The following FAM107A variants were observed in gnomAD, a reference collection of about 807,000 sequenced individuals.
FAM107A encodes the protein actin-associated protein FAM107A.
A neutral mutation model predicts 13.7 loss-of-function variants in FAM107A; 19 were observed. The observed-to-expected ratio is 1.38, with a 90% CI of 0.97 to 2.03. FAM107A has a LOEUF of 2.03. Ranked by LOEUF, FAM107A falls within the 30% of genes most tolerant of loss-of-function variation. The probability of loss-of-function intolerance (pLI) is 0.00; values close to 1 mark genes in which losing one functional copy is unlikely to be tolerated. For synonymous variants in FAM107A, 82 were observed against 74.5 expected (o/e 1.10, Z -0.52); for missense variants, 203 against 184.4 (o/e 1.10, Z -0.58).
chr3:58,591,847 C>A (rs1166321394), upstream of FAM107A, among the ~76,000 whole-genome samples: 2 of 152,174 alleles, frequency 1.3e-5, no homozygotes, highest in Non-Finnish European at 2.9e-5. The surrounding 1 kb of genome is among the most constrained non-coding windows in gnomAD (Gnocchi z 4.3). Context: ...TGGAGCTGTG[C>A]TTGGAGTGGA....
chr3:58,608,055 C>T (rs1252483486), intron 1 of FAM107A: 2 of 152,196 alleles, frequency 1.3e-5, no homozygotes, highest in Non-Finnish European at 2.9e-5. Context: ...AACCAACAGA[C>T]TTTGAAGAAT....
At position 58,571,869 on chromosome 3, in the gene FAM107A, C is replaced by A. The variant is rs181360403; in HGVS notation, c.-5-2004G>T. Among the ~76,000 whole-genome samples, 181 of 152,320 alleles carry A rather than the reference C, an allele frequency of 1.2e-3. 2 individuals carry two copies. The highest frequency in any genetic ancestry group is 3.8e-3 in the African/African-American group (156 of 41,570). On this transcript the variant is annotated intron_variant, in intron 1 of 3. Transcript: ENST00000360997. Reference sequence around the variant, plus strand: ...CTGTTCTTAGTCCCTCTGTGCCCCCCAAATCTTCCAGAGCTGCTTGCTTTT... The same window carrying A: ...CTGTTCTTAGTCCCTCTGTGCCCCCAAAATCTTCCAGAGCTGCTTGCTTTT...
intron 2 of FAM107A, among the ~76,000 whole-genome samples, chr3:58,568,993 A>T (rs548062678): frequency 3.9e-5 from 6 of 151,962 alleles, no homozygotes; most frequent in African/African-American, 1.4e-4. Flanking sequence ...ATTCCTGCCC[A>T]CTTTGGTATT....
chr3:58,588,814 C>T (rs756939103), upstream of FAM107A, among the ~76,000 whole-genome samples: 5 of 152,014 alleles, frequency 3.3e-5, no homozygotes, highest in Admixed American at 6.6e-5. Flanking sequence ...TGCACGCAAC[C>T]GCAACTGGCT....
intron 1 of FAM107A, among the ~76,000 whole-genome samples, chr3:58,584,032 G>T (rs1353790370): frequency 6.6e-6 from 1 of 152,102 alleles, no homozygotes; most frequent in Non-Finnish European, 1.5e-5. Context: ...GCTTCTCAAC[G>T]AAAGGAGTGC....
intron 1 of FAM107A, among the ~76,000 whole-genome samples, chr3:58,605,852 G>T (rs1167940296): frequency 2.0e-5 from 3 of 152,228 alleles, no homozygotes; most frequent in South Asian, 2.1e-4. Flanking sequence ...GTAGACCCAA[G>T]AATCAGGTTT....
rs948058782 is a variant in FAM107A, at chr3:58,617,785, A to G, written c.-70+9631T>C. Among the ~76,000 whole-genome samples, 4 of 152,266 alleles carry G rather than the reference A, an allele frequency of 2.6e-5. No individual in the cohort carries two copies. In the East Asian group the frequency reaches 7.7e-4, roughly 29 times the overall value. On this transcript the variant is annotated intron_variant, in intron 1 of 3. Transcript: ENST00000465970. This position sits in a 1 kb window ranked among gnomAD's most constrained non-coding sequence, Gnocchi z 4.5. ...CAGGGGAGTGGAGCCACTACCTACT[A>G]TTAACTCTGCCTTGCACAAGGTGAA...
intron 1 of FAM107A, among the ~76,000 whole-genome samples, chr3:58,599,304 C>T (rs1360986549): frequency 6.6e-6 from 1 of 152,198 alleles, no homozygotes; most frequent in Non-Finnish European, 1.5e-5. Context: ...GCCTTTCTGT[C>T]CACATGGGTG....
At position 58,564,683 on chromosome 3, in the gene FAM107A, C is replaced by G. The variant is rs1481306556; in HGVS notation, c.*1905G>C. 2.0e-5 allele frequency: 3 copies of G among 152,278 alleles called. No homozygotes were observed. Among genetic ancestry groups the G allele is most frequent in the Non-Finnish European group, 4.4e-5 (3 of 68,058 alleles). The allele number at this position is 152,278 out of a possible 1,614,324, so 9.4% of individuals were successfully genotyped here. Reference sequence around the variant, plus strand: ...CCATCTGAGACCCTCTGTCTTGCTTCTCTTCACATGTCTGAACAACACATG... The same window carrying G: ...CCATCTGAGACCCTCTGTCTTGCTTGTCTTCACATGTCTGAACAACACATG... On this transcript the variant is annotated 3_prime_UTR_variant, in exon 4 of 4. Coordinates refer to ENST00000360997, the MANE Select transcript of FAM107A (RefSeq NM_001076778.3). This position sits in a 1 kb window ranked among gnomAD's most constrained non-coding sequence, Gnocchi z 5.6.
In FAM107A at chr3:58,571,865, C is replaced by G. The variant is rs76329596; in HGVS notation, c.-5-2000G>C. Among the ~76,000 whole-genome samples, 327 of 152,266 alleles carry G rather than the reference C, an allele frequency of 2.1e-3. 4 individuals are homozygous for G. The highest frequency in any genetic ancestry group is 7.4e-3 in the African/African-American group (307 of 41,538). On this transcript the variant is annotated intron_variant, in intron 1 of 3. Coordinates refer to ENST00000360997, the MANE Select transcript of FAM107A (RefSeq NM_001076778.3). ...TCACCTGTTCTTAGTCCCTCTGTGC[C>G]CCCCAAATCTTCCAGAGCTGCTTGC...
At chr3:58,602,607 C>T (rs1320468355) in intron 1 of FAM107A, among the ~76,000 whole-genome samples, 1 of 152,124 alleles carries the variant, frequency 6.6e-6, no homozygotes, top group Admixed American at 6.6e-5. Context: ...TACAATGTAA[C>T]AGTCTGTGGC....
upstream of FAM107A, among the ~76,000 whole-genome samples, chr3:58,581,634 G>A (rs528457415): frequency 6.0e-4 from 92 of 152,182 alleles, no homozygotes; most frequent in Non-Finnish European, 9.6e-4. Flanking sequence ...CTGCAGAAAG[G>A]ACTCGGGGGT....
intron 1 of FAM107A, among the ~76,000 whole-genome samples, chr3:58,618,570 G>A (rs934987219): frequency 1.3e-5 from 2 of 152,224 alleles, no homozygotes; most frequent in South Asian, 2.1e-4. Flanking sequence ...ATTCGTGAAC[G>A]AGGAAGATTG....
intron 1 of FAM107A, among the ~76,000 whole-genome samples, chr3:58,621,414 T>C (rs746635394): frequency 2.6e-5 from 4 of 152,168 alleles, no homozygotes; most frequent in African/African-American, 4.8e-5. Flanking sequence ...GTCTTGAGAT[T>C]CTTAATGATT....
intron 1 of FAM107A, among the ~76,000 whole-genome samples, chr3:58,618,912 T>A (rs1453400435): frequency 6.6e-6 from 1 of 152,250 alleles, no homozygotes; most frequent in African/African-American, 2.4e-5. Flanking sequence ...TCTTTCTCTC[T>A]TATCTCTATT....
intron 1 of FAM107A, among the ~76,000 whole-genome samples, chr3:58,599,016 A>G (rs1212061409): frequency 9.9e-5 from 15 of 151,858 alleles, no homozygotes; most frequent in Non-Finnish European, 2.1e-4. Flanking sequence ...ATCTCGGCTC[A>G]CTGTGACCTC....
At chr3:58,591,311 A>G (rs1409915395), upstream of FAM107A, among the ~76,000 whole-genome samples, 1 of 152,192 alleles carries the variant, frequency 6.6e-6, no homozygotes, top group Non-Finnish European at 1.5e-5. This position sits in a 1 kb window ranked among gnomAD's most constrained non-coding sequence, Gnocchi z 4.3. Flanking sequence ...AGACATGGAC[A>G]TAGACTTGAA....
intron 1 of FAM107A, chr3:58,627,223 C>G: frequency 5.4e-6 from 3 of 555,168 alleles, no homozygotes; most frequent in Non-Finnish European, 9.6e-6. Flanking sequence ...GCCAGTGTCC[C>G]CAGGCGGCTT....
upstream of FAM107A, among the ~76,000 whole-genome samples, chr3:58,590,322 A>T (rs531187310): frequency 2.0e-5 from 3 of 152,310 alleles, no homozygotes; most frequent in South Asian, 6.2e-4. Context: ...GTCTTCCTGC[A>T]ACCCCACAGT....
Sources: allele counts gnomAD v4.1 joint callset (sites outside exome capture counted in the v4.1 genomes callset), GRCh38; gene constraint gnomAD v4.1.1; non-coding constraint Gnocchi (gnomAD v3.1); transcripts MANE v1.5; gene names NCBI Gene and HGNC (gene_info 2026-07-23, HGNC 2026-07-21).